Variants in PRKCH observed in about 807,000 individuals in gnomAD.
PRKCH encodes protein kinase C eta, also known as protein kinase C eta type.
Under a neutral mutation model 82.5 loss-of-function variants are expected in PRKCH, and 28 were observed. The ratio of observed to expected loss-of-function variants is 0.34; its 90% CI spans 0.25 to 0.47. PRKCH has a LOEUF of 0.47. PRKCH is among the 20% of genes least tolerant of loss of function. PRKCH has a pLI of 1.00. For missense variants in PRKCH, 705 were observed against 881.8 expected (o/e 0.80, Z 2.54); for synonymous variants, 322 against 327.4 (o/e 0.98, Z 0.18).
At chr14:61,259,398 G>C (rs1458425314) in intron 1 of PRKCH, among the ~76,000 whole-genome samples, 1 of 152,066 alleles carries the variant, frequency 6.6e-6, no homozygotes, top group Non-Finnish European at 1.5e-5. Context: ...ACTGACTAAC[G>C]ATACCAATAT....
At chr14:61,526,742 C>G (rs752735078) in intron 10 of PRKCH, among the ~76,000 whole-genome samples, 1 of 152,258 alleles carries the variant, frequency 6.6e-6, no homozygotes, top group Admixed American at 6.5e-5. Flanking sequence ...ATATGGCACT[C>G]CAGAAAGAGC....
At chr14:61,236,672 A>T (rs1189035243) in intron 1 of PRKCH, among the ~76,000 whole-genome samples, 2 of 138,658 alleles carry the variant, frequency 1.4e-5, no homozygotes, top group Non-Finnish European at 3.0e-5. Flanking sequence ...ACGCCACTGC[A>T]CTCCAGCCTG....
At chr14:61,205,048 A>T (rs1256118904) in intron 1 of PRKCH, among the ~76,000 whole-genome samples, 2 of 152,248 alleles carry the variant, frequency 1.3e-5, no homozygotes, top group Non-Finnish European at 2.9e-5. Flanking sequence ...TATAGTATTT[A>T]AAAAGTCCTG....
intron 1 of PRKCH, among the ~76,000 whole-genome samples, chr14:61,302,444 C>G (rs1193513175): frequency 6.6e-6 from 1 of 152,186 alleles, no homozygotes; most frequent in Non-Finnish European, 1.5e-5. Context: ...GCTTCTGTTC[C>G]TAAGTTCCTA....
At chr14:61,363,754 C>A (rs2046260725) in intron 1 of PRKCH, among the ~76,000 whole-genome samples, 1 of 150,226 alleles carries the variant, frequency 6.7e-6, no homozygotes, top group African/African-American at 2.5e-5. Context: ...ATGAAGAAGG[C>A]AACGGGCAGG....
rs142517799 is a variant in PRKCH, at chr14:61,229,777, A to G, written c.-19+42109A>G. ...AGTGGGATCTAACCCATCGATAGAA[A>G]TGGGCTCTATTCCTTCTTCCAGGGG... On this transcript the variant is annotated intron_variant, in intron 1 of 3. Coordinates refer to the PRKCH transcript ENST00000555185. Among the ~76,000 whole-genome samples, 26 of 152,270 alleles carry G rather than the reference A, an allele frequency of 1.7e-4. No individual in the cohort carries two copies. In the East Asian group the frequency reaches 5.0e-3, roughly 29 times the overall value.
At chr14:61,261,018 C>G (rs2045039167) in intron 1 of PRKCH, among the ~76,000 whole-genome samples, 1 of 152,110 alleles carries the variant, frequency 6.6e-6, no homozygotes, top group Middle Eastern at 3.2e-3. Context: ...TCAGCACATT[C>G]TAATTATTAT....
chr14:61,234,729 C>A lies in PRKCH; in HGVS notation c.-19+47061C>A, dbSNP rs1303396481. On this transcript the variant is annotated intron_variant, in intron 1 of 3. Transcript: ENST00000555185. Reference sequence around the variant, plus strand: ...TATCATCTGTTCTGGTTTTTTATAGCACTCTGAGCATTTGCATCTTCTACT... The same window carrying A: ...TATCATCTGTTCTGGTTTTTTATAGAACTCTGAGCATTTGCATCTTCTACT... Among the ~76,000 whole-genome samples, 6 of 152,316 alleles carry A rather than the reference C, an allele frequency of 3.9e-5. No homozygotes were observed. In the East Asian group the frequency reaches 1.2e-3, roughly 29 times the overall value.
At chr14:61,509,958 G>C (rs1483633280) in intron 10 of PRKCH, among the ~76,000 whole-genome samples, 1 of 152,026 alleles carries the variant, frequency 6.6e-6, no homozygotes, top group Non-Finnish European at 1.5e-5. Context: ...TGCTGATGGA[G>C]AGGTTCAGTG....
At chr14:61,426,442 A>G (rs1883113432) in intron 2 of PRKCH, among the ~76,000 whole-genome samples, 1 of 152,240 alleles carries the variant, frequency 6.6e-6, no homozygotes, top group African/African-American at 2.4e-5. Flanking sequence ...TGAGCTTGTC[A>G]TTGCTGAAGT....
chr14:61,392,846 T>G (rs1402682968), intron 2 of PRKCH, among the ~76,000 whole-genome samples: 3 of 97,286 alleles, frequency 3.1e-5, no homozygotes, highest in African/African-American at 9.6e-5. Context: ...CTTTTTTTGT[T>G]TTTTTTTTTT....
chr14:61,431,173 G>C (rs1000294057), intron 2 of PRKCH, among the ~76,000 whole-genome samples: 3 of 91,646 alleles, frequency 3.3e-5, no homozygotes, highest in African/African-American at 6.3e-5. Context: ...CACTCAATTG[G>C]TAAGGGAAAA....
rs981317145 is a variant in PRKCH at position 61,444,931 on chromosome 14, G to A, written c.579-761G>A. On this transcript the variant is annotated intron_variant, in intron 3 of 13. Coordinates refer to ENST00000332981, the MANE Select transcript of PRKCH (RefSeq NM_006255.5). ...CCCTTTTATGGATGAGGAAACTGTG[G>A]CTCAAAGCATCAGGTCATCTGGCTT... Among the ~76,000 whole-genome samples, 30 of 152,318 alleles carry A rather than the reference G, an allele frequency of 2.0e-4. 3 individuals carry two copies. The highest frequency in any genetic ancestry group is 9.6e-4 in the East Asian group (5 of 5,192).
chr14:61,388,127 G>T (rs1043339676), intron 1 of PRKCH, among the ~76,000 whole-genome samples: 1 of 139,428 alleles, frequency 7.2e-6, no homozygotes, highest in African/African-American at 2.7e-5. Context: ...CAGCCTGGGT[G>T]ACAGAGCGAG....
chr14:61,431,996 C>T (rs1883418291), intron 2 of PRKCH, among the ~76,000 whole-genome samples: 1 of 151,782 alleles, frequency 6.6e-6, no homozygotes, highest in Non-Finnish European at 1.5e-5. Flanking sequence ...TTGAGATTCT[C>T]CCTCTACCAC....
At chr14:61,392,875 G>T in intron 2 of PRKCH, among the ~76,000 whole-genome samples, 1 of 150,374 alleles carries the variant, frequency 6.7e-6, no homozygotes. Context: ...AATAGTTTTA[G>T]GTTTTATGTT....
chr14:61,311,031 C>G (rs984361025), intron 1 of PRKCH, among the ~76,000 whole-genome samples: 1 of 152,240 alleles, frequency 6.6e-6, no homozygotes, highest in African/African-American at 2.4e-5. Flanking sequence ...TGTTCCAAGG[C>G]TGCACAGAGC....
intron 9 of PRKCH, among the ~76,000 whole-genome samples, chr14:61,462,197 G>C (rs1238978465): frequency 2.6e-5 from 4 of 152,202 alleles, no homozygotes; most frequent in Non-Finnish European, 5.9e-5. Flanking sequence ...TTTGAGACCA[G>C]CCTGGCCAAC....
intron 1 of PRKCH, among the ~76,000 whole-genome samples, chr14:61,189,382 AGT>A (rs57041089): frequency 0.34 from 51,361 of 151,748 alleles, 9,204 homozygotes; most frequent in African/African-American, 0.45. Flanking sequence ...GGGGGATGGA[AGT>A]GTGCCCCGAC....
Sources: allele counts gnomAD v4.1 joint callset (sites outside exome capture counted in the v4.1 genomes callset), GRCh38; gene constraint gnomAD v4.1.1; transcripts MANE v1.5; gene names NCBI Gene and HGNC (gene_info 2026-07-23, HGNC 2026-07-21).